The following DCAKD variants were observed in gnomAD, a reference collection of about 807,000 sequenced individuals.
The protein encoded by DCAKD is dephospho-CoA kinase domain containing, also known as dephospho-CoA kinase domain-containing protein.
In DCAKD, 15 loss-of-function variants were observed where a neutral mutation model predicts 18.7. That is an observed-to-expected ratio of 0.80 (90% CI 0.54 to 1.24). The LOEUF is 1.24. Among genes scored for constraint, DCAKD ranks in the 50% most tolerant of loss-of-function variants. The pLI, the probability that DCAKD is intolerant of heterozygous loss-of-function variation, is 0.00. For synonymous variants in DCAKD, 130 were observed against 133.0 expected, an observed-to-expected ratio of 0.98 and a Z score of 0.16; for missense variants, 301 against 322.0, an observed-to-expected ratio of 0.93 and a Z score of 0.50.
At chr17:45,055,413 T>G (rs764547721), upstream of DCAKD, among the ~76,000 whole-genome samples, 6 of 152,088 alleles carry the variant, frequency 3.9e-5, no homozygotes, top group Admixed American at 6.6e-5. Context: ...GGTCTCACTC[T>G]GTTACCCAGG....
intron 1 of DCAKD, among the ~76,000 whole-genome samples, chr17:45,039,686 T>G (rs567871574): frequency 6.6e-6 from 1 of 152,278 alleles, no homozygotes; most frequent in East Asian, 1.9e-4. Flanking sequence ...TGAGCCTCAG[T>G]CCCCACACTT....
chr17:45,054,110 A>C (rs1454046793), upstream of DCAKD: 1 of 519,054 alleles, frequency 1.9e-6, no homozygotes, highest in Non-Finnish European at 3.8e-6. Context: ...TCACCCAATA[A>C]AAAGGATTCC....
chr17:45,034,189 CG>C lies in DCAKD; in HGVS notation c.313del (p.Arg105GlyfsTer6). 1.9e-6 allele frequency: 3 copies of C among 1,613,734 alleles called. No homozygotes were observed. The highest frequency in any genetic ancestry group is 2.5e-6 in the Non-Finnish European group (3 of 1,179,874). On this transcript the variant is annotated frameshift_variant, in exon 3 of 5. Coordinates refer to ENST00000651974, the MANE Select transcript of DCAKD (RefSeq NM_001288655.2). LOFTEE classifies it high-confidence loss of function. The part of the protein sequence containing the change: ...MMKETFKYFL[R>X]GYRYVILDIP... The stretch of plus-strand genomic sequence containing the variant: ...CCGCCCCAGGCCCTGGCACTTACCC[CG>C]GAGGAAGTACTTGAACGTCTCCTTC...
upstream of DCAKD, chr17:45,054,185 A>C: frequency 1.9e-6 from 1 of 516,428 alleles, no homozygotes; most frequent in Non-Finnish European, 3.9e-6. Flanking sequence ...CTTCCACATT[A>C]TCTCTGCCAT....
chr17:45,026,118 C>T (rs112525569), intron 4 of DCAKD, among the ~76,000 whole-genome samples: 280 of 151,986 alleles, frequency 1.8e-3, no homozygotes, highest in African/African-American at 6.6e-3. Context: ...GGGATTTCAC[C>T]ATGTTGGCCA....
At chr17:45,032,518 C>T (rs1419941047) in intron 3 of DCAKD, among the ~76,000 whole-genome samples, 2 of 152,084 alleles carry the variant, frequency 1.3e-5, no homozygotes, top group African/African-American at 4.8e-5. Flanking sequence ...GGCACAGTGG[C>T]TCACGCTTGT....
intron 1 of DCAKD, among the ~76,000 whole-genome samples, chr17:45,056,815 T>A (rs1337055585): frequency 6.6e-6 from 1 of 151,572 alleles, no homozygotes; most frequent in Non-Finnish European, 1.5e-5. Context: ...TCACCCAGGC[T>A]GGAGTGCGGT....
At chr17:45,054,694 T>C (rs1326978432), upstream of DCAKD, among the ~76,000 whole-genome samples, 2 of 152,164 alleles carry the variant, frequency 1.3e-5, no homozygotes, top group African/African-American at 2.4e-5. Flanking sequence ...ATTCCCTTCC[T>C]TGATCAAACA....
At chr17:45,024,848 CCTACCCTGCTCTGGG>C in intron 4 of DCAKD, 124 bp from the exon 5 acceptor site, 5 of 1,253,020 alleles carry the variant, frequency 4.0e-6, no homozygotes. Context: ...TCCCTCCAAC[CCTACCCTGCTCTGGG>C]CTACTTAGGG....
In DCAKD at chr17:45,024,162, G is replaced by C; in HGVS notation, c.*271C>G. 2.3e-6 allele frequency: 1 copy of C among 441,120 alleles called. No individual in the cohort carries two copies. Among genetic ancestry groups the C allele is most frequent in the East Asian group, 3.4e-5 (1 of 29,334 alleles). The allele number at this position is 441,120 out of a possible 1,614,324, so 27.3% of individuals were successfully genotyped here. Reference sequence around the variant, plus strand: ...GTTGCTTTCACACACCATCACGGTTGCTGTTCTGTAGGTGCTGCTCAGGGA... The same window carrying C: ...GTTGCTTTCACACACCATCACGGTTCCTGTTCTGTAGGTGCTGCTCAGGGA... On this transcript the variant is annotated 3_prime_UTR_variant, in exon 5 of 5. Transcript: ENST00000651974.
At chr17:45,058,122 C>G (rs537621292) in intron 1 of DCAKD, among the ~76,000 whole-genome samples, 1 of 151,688 alleles carries the variant, frequency 6.6e-6, no homozygotes, top group South Asian at 2.1e-4. Context: ...TAAGACCAGC[C>G]TGGCCAACGT....
intron 1 of DCAKD, among the ~76,000 whole-genome samples, chr17:45,047,569 G>T (rs909181497): frequency 2.7e-5 from 4 of 147,972 alleles, no homozygotes; most frequent in Admixed American, 6.9e-5. Context: ...GCAGTGGCGC[G>T]ATCTTGGCTC....
At chr17:45,027,610 A>G (rs1197774614) in intron 4 of DCAKD, among the ~76,000 whole-genome samples, 1 of 152,166 alleles carries the variant, frequency 6.6e-6, no homozygotes, top group Non-Finnish European at 1.5e-5. Flanking sequence ...TCTCCTGGAG[A>G]GCACACACAA....
chr17:45,030,298 A>G (rs1419198925), intron 3 of DCAKD, 119 bp from the exon 4 acceptor site: 5 of 827,404 alleles, frequency 6.0e-6, no homozygotes, highest in Admixed American at 5.5e-5. Context: ...CCAAGGACAC[A>G]CATACCCTGC....
At position 45,024,711 on chromosome 17, in the gene DCAKD, G is replaced by T. The variant is rs369709302; in HGVS notation, c.418C>A (p.Gln140Lys). ...TVVVYCDRDTQLARLMRRNSL... is the reference protein window; with the variant it reads ...TVVVYCDRDTKLARLMRRNSL... Reference sequence around the variant, plus strand: ...TTCCGCCGCATCAGCCGTGCCAGCTGTGTGTCCCGGTCGCTAAGGATAGGG... The same window carrying T: ...TTCCGCCGCATCAGCCGTGCCAGCTTTGTGTCCCGGTCGCTAAGGATAGGG... Residue 140 changes from glutamine to lysine, a missense_variant, in exon 5 of 5, where the codon CAG becomes AAG. Gln to Lys is a moderately conservative substitution (Grantham distance 53, BLOSUM62 1). Coordinates refer to ENST00000651974, the MANE Select transcript of DCAKD (RefSeq NM_001288655.2). 113 of 1,580,382 alleles carry T rather than the reference G, an allele frequency of 7.2e-5. No individual in the cohort carries two copies. Among genetic ancestry groups the T allele is most frequent in the Non-Finnish European group, 9.2e-5 (106 of 1,158,276 alleles).
chr17:45,033,823 C>T, intron 3 of DCAKD: 1 of 1,177,328 alleles, frequency 8.5e-7, no homozygotes, highest in Non-Finnish European at 1.1e-6. Context: ...GGCGAGATCA[C>T]TCAATGAAGT....
chr17:45,030,431 G>A (rs934700884), intron 3 of DCAKD, among the ~76,000 whole-genome samples: 3 of 152,212 alleles, frequency 2.0e-5, no homozygotes, highest in African/African-American at 7.2e-5. Flanking sequence ...GTGGGGGGCA[G>A]GTCTTTTGAT....
chr17:45,053,188 A>AC (rs1193790828), upstream of DCAKD, among the ~76,000 whole-genome samples: 2 of 136,352 alleles, frequency 1.5e-5, no homozygotes, highest in Non-Finnish European at 3.3e-5. Context: ...AAAAAAAAAA[A>AC]AAAAAAAACT....
chr17:45,041,262 C>T (rs981552839), intron 1 of DCAKD, among the ~76,000 whole-genome samples: 12 of 152,066 alleles, frequency 7.9e-5, no homozygotes, highest in African/African-American at 2.7e-4. Flanking sequence ...TCCCTGTCCA[C>T]GATGCCTGGT....
Sources: gnomAD v4.1 joint callset for allele counts (sites outside exome capture counted in the v4.1 genomes callset) on GRCh38, gnomAD v4.1.1 for gene constraint, MANE v1.5 for transcripts, NCBI Gene and HGNC (gene_info 2026-07-23, HGNC 2026-07-21) for gene names.